The following CAMK1D variants were observed in gnomAD, a reference collection of about 807,000 sequenced individuals.
CAMK1D encodes calcium/calmodulin-dependent protein kinase type 1D.
A neutral mutation model predicts 47.7 loss-of-function variants in CAMK1D; 9 were observed. That is an observed-to-expected ratio of 0.19 (90% CI 0.11 to 0.33). The LOEUF (loss-of-function observed/expected upper bound fraction) is 0.33. Among genes scored for constraint, CAMK1D ranks in the 10% least tolerant of loss-of-function variants. The pLI, the probability that CAMK1D is intolerant of heterozygous loss-of-function variation, is 1.00. For missense variants in CAMK1D, 291 were observed against 488.7 expected, an observed-to-expected ratio of 0.60 and a Z score of 3.81; for synonymous variants, 184 against 184.9, an observed-to-expected ratio of 0.99 and a Z score of 0.04.
At chr10:12,460,679 C>T (rs958230593) in intron 1 of CAMK1D, among the ~76,000 whole-genome samples, 8 of 152,136 alleles carry the variant, frequency 5.3e-5, no homozygotes, top group East Asian at 1.9e-4. Context: ...CCACCCACCT[C>T]GGCCTCCCAA....
chr10:12,692,225 T>C (rs1417797567), intron 3 of CAMK1D, among the ~76,000 whole-genome samples: 1 of 152,236 alleles, frequency 6.6e-6, no homozygotes, highest in Admixed American at 6.5e-5. Flanking sequence ...TTGAATAATC[T>C]GGTCATAGAA....
rs570830895 is a variant in CAMK1D, at chr10:12,368,042, A to G, written c.92+18132A>G. Among the ~76,000 whole-genome samples, 223 of 152,188 alleles carry G rather than the reference A, an allele frequency of 1.5e-3. 1 individual carries two copies. The highest frequency in any genetic ancestry group is 2.2e-3 in the Non-Finnish European group (150 of 67,992). On this transcript the variant is annotated intron_variant, in intron 1 of 10. Coordinates refer to ENST00000619168, the MANE Select transcript of CAMK1D (RefSeq NM_153498.4). ...CCTGTCTCTACTAAAAATACAAAAA[A>G]TTAGCCGGGCGCGGTGGCGGGCGCC...
At chr10:12,684,968 T>C (rs886621886) in intron 3 of CAMK1D, among the ~76,000 whole-genome samples, 3 of 152,242 alleles carry the variant, frequency 2.0e-5, no homozygotes, top group African/African-American at 7.2e-5. Context: ...AGATAATGTT[T>C]TTCAAAGGTT....
In CAMK1D at chr10:12,386,586, C is replaced by T. The variant is rs916204492; in HGVS notation, c.92+36676C>T. Reference sequence around the variant, plus strand: ...TGCGATGCAGAATGTTATTGAAGGACGTGGGCAGACAATATACTGCTTAAT... The same window carrying T: ...TGCGATGCAGAATGTTATTGAAGGATGTGGGCAGACAATATACTGCTTAAT... On this transcript the variant is annotated intron_variant, in intron 1 of 10. Coordinates refer to ENST00000619168, the MANE Select transcript of CAMK1D (RefSeq NM_153498.4). Among the ~76,000 whole-genome samples, 19 of 151,874 alleles carry T rather than the reference C, an allele frequency of 1.3e-4. 1 individual carries two copies. The highest frequency in any genetic ancestry group is 6.9e-3 in the Middle Eastern group (2 of 290).
At chr10:12,615,965 T>C (rs1277592260) in intron 2 of CAMK1D, among the ~76,000 whole-genome samples, 2 of 151,282 alleles carry the variant, frequency 1.3e-5, no homozygotes, top group African/African-American at 2.4e-5. Context: ...CATAGGTGTG[T>C]ATGTGTGCAT....
intron 4 of CAMK1D, among the ~76,000 whole-genome samples, chr10:12,765,585 G>A (rs535319095): frequency 5.9e-5 from 9 of 152,322 alleles, no homozygotes; most frequent in East Asian, 1.9e-4. Context: ...TCTTCCACCC[G>A]CGTGATCTCA....
intron 2 of CAMK1D, among the ~76,000 whole-genome samples, chr10:12,616,914 C>G (rs1239015596): frequency 6.6e-6 from 1 of 152,158 alleles, no homozygotes; most frequent in East Asian, 1.9e-4. Context: ...GTTGAATTAC[C>G]GGACACCCAC....
chr10:12,387,425 TTTTATATATTATA>T (rs1488745935), intron 1 of CAMK1D, among the ~76,000 whole-genome samples: 1,058 of 67,120 alleles, frequency 0.016, 32 homozygotes, highest in African/African-American at 0.048. Flanking sequence ...ATTTTATATA[TTTTATATATTATA>T]TATATTTTAT....
At chr10:12,590,489 A>G (rs1186611570) in intron 2 of CAMK1D, among the ~76,000 whole-genome samples, 1 of 152,090 alleles carries the variant, frequency 6.6e-6, no homozygotes, top group Non-Finnish European at 1.5e-5. Flanking sequence ...GCCTCACAAA[A>G]CATTGGCATT....
Position 12,479,156 on chromosome 10 carries a change from A to G in CAMK1D, c.93-74069A>G, listed in dbSNP as rs145373218. ...GCCCTGCCCACGGCGCTGCTGAGCC[A>G]GTGGGTCCCCAGTGACGCTGGAGAA... On this transcript the variant is annotated intron_variant, in intron 1 of 10. Transcript: ENST00000619168. Among the ~76,000 whole-genome samples, 45 of 152,194 alleles carry G rather than the reference A, an allele frequency of 3.0e-4. 1 individual carries two copies. In the East Asian group the frequency reaches 8.1e-3, roughly 27 times the overall value.
intron 1 of CAMK1D, among the ~76,000 whole-genome samples, chr10:12,428,707 G>A (rs1434799955): frequency 6.6e-6 from 1 of 152,194 alleles, no homozygotes; most frequent in African/African-American, 2.4e-5. Flanking sequence ...GTTAGGAGCC[G>A]AAAGCTTGTG....
At chr10:12,575,692 C>T (rs1467458888) in intron 2 of CAMK1D, among the ~76,000 whole-genome samples, 4 of 152,184 alleles carry the variant, frequency 2.6e-5, no homozygotes, top group African/African-American at 4.8e-5. Context: ...GTTTGTCAGG[C>T]AGACAGTCAC....
chr10:12,757,793 A>G (rs549033027), intron 3 of CAMK1D, among the ~76,000 whole-genome samples: 12 of 149,962 alleles, frequency 8.0e-5, no homozygotes, highest in African/African-American at 2.7e-4. Context: ...CATGGTAAAG[A>G]GAGAGTTCTG....
At chr10:12,564,872 A>G (rs1047159453) in intron 2 of CAMK1D, among the ~76,000 whole-genome samples, 3 of 152,198 alleles carry the variant, frequency 2.0e-5, no homozygotes, top group East Asian at 1.9e-4. Flanking sequence ...TAAATGTACT[A>G]TATGTAGGTG....
Position 12,832,969 on chromosome 10 carries a change from G to C in CAMK1D, c.*4082G>C, listed in dbSNP as rs1644400. On this transcript the variant is annotated 3_prime_UTR_variant, in exon 11 of 11. Transcript: ENST00000619168. ...AAAAATACAAAAATTAGCTGGGCATGGTGGTGCGTGCCTGTAATCCCAGCT... is the reference window on the plus strand; with the variant it reads ...AAAAATACAAAAATTAGCTGGGCATCGTGGTGCGTGCCTGTAATCCCAGCT... The C allele has an allele frequency of 0.15, 22,222 of 152,434 alleles. 1,731 individuals carry two copies. Among genetic ancestry groups the C allele is most frequent in the Non-Finnish European group, 0.18 (11,944 of 68,152 alleles). The allele number at this position is 152,434 out of a possible 1,614,324, so 9.4% of individuals were successfully genotyped here.
intron 1 of CAMK1D, among the ~76,000 whole-genome samples, chr10:12,547,323 A>T (rs1300995161): frequency 1.3e-5 from 2 of 152,160 alleles, no homozygotes; most frequent in Non-Finnish European, 2.9e-5. Context: ...GTGGTGGAGG[A>T]AGAAGGTCGA....
At chr10:12,426,876 A>G (rs1840251839) in intron 1 of CAMK1D, among the ~76,000 whole-genome samples, 1 of 152,112 alleles carries the variant, frequency 6.6e-6, no homozygotes, top group South Asian at 2.1e-4. Flanking sequence ...CACCACGCCC[A>G]GCTAATTTTT....
chr10:12,763,677 A>C (rs1000071838), intron 4 of CAMK1D, among the ~76,000 whole-genome samples: 1 of 152,190 alleles, frequency 6.6e-6, no homozygotes, highest in African/African-American at 2.4e-5. Flanking sequence ...TGGGGGGCAA[A>C]ATTGCCCCTA....
At chr10:12,408,375 A>G (rs766526535) in intron 1 of CAMK1D, among the ~76,000 whole-genome samples, 6 of 148,376 alleles carry the variant, frequency 4.0e-5, no homozygotes, top group Non-Finnish European at 8.9e-5. Context: ...CATTTTCACC[A>G]TGTTAGCCAG....
Sources: allele counts gnomAD v4.1 joint callset (sites outside exome capture counted in the v4.1 genomes callset), GRCh38; gene constraint gnomAD v4.1.1; transcripts MANE v1.5; gene names NCBI Gene and HGNC (gene_info 2026-07-23, HGNC 2026-07-21).